SAMD4A: variants seen among roughly 807,000 people sequenced by gnomAD.
SAMD4A encodes sterile alpha motif domain containing 4A, also known as protein Smaug homolog 1.
A neutral mutation model predicts 81.3 loss-of-function variants in SAMD4A; 33 were observed. The observed-to-expected ratio is 0.41, with a 90% CI of 0.31 to 0.54. The LOEUF (loss-of-function observed/expected upper bound fraction) is 0.54. Among genes scored for constraint, SAMD4A ranks in the 20% least tolerant of loss-of-function variants. SAMD4A has a pLI of 0.37. For synonymous variants in SAMD4A, 389 were observed against 382.1 expected, an observed-to-expected ratio of 1.02 and a Z score of -0.21; for missense variants, 854 against 951.1, an observed-to-expected ratio of 0.90 and a Z score of 1.34.
At position 54,789,329 on chromosome 14, in the gene SAMD4A, G is replaced by T. The variant is rs996798780; in HGVS notation, c.*385G>T. The T allele has an allele frequency of 1.3e-5, 3 of 231,716 alleles. No individual in the cohort carries two copies. Among genetic ancestry groups the T allele is most frequent in the Non-Finnish European group, 2.5e-5 (3 of 117,664 alleles). The allele number at this position is 231,716 out of a possible 1,614,324, so 14.4% of individuals were successfully genotyped here. ...GGACAGCAGAAGCCCTGGCCCTGGG[G>T]AGGCTTCTCGGAAGGCCTGGCTTCA... is the stretch of plus-strand genomic sequence containing the variant. On this transcript the variant is annotated 3_prime_UTR_variant, in exon 13 of 13. Transcript: ENST00000554335.
chr14:54,780,470 G>A (rs752918829), intron 11 of SAMD4A, among the ~76,000 whole-genome samples: 1 of 152,222 alleles, frequency 6.6e-6, no homozygotes, highest in Non-Finnish European at 1.5e-5. Flanking sequence ...ACTGGGTCCA[G>A]TGGGGTGTGG....
intron 2 of SAMD4A, among the ~76,000 whole-genome samples, chr14:54,644,547 G>C (rs999671997): frequency 6.6e-6 from 1 of 152,192 alleles, no homozygotes; most frequent in African/African-American, 2.4e-5. Flanking sequence ...CATGCAATTA[G>C]TCACACAGTA....
chr14:54,745,894 A>G (rs1424932464), intron 4 of SAMD4A, among the ~76,000 whole-genome samples: 1 of 152,196 alleles, frequency 6.6e-6, no homozygotes, highest in African/African-American at 2.4e-5. Context: ...TTTTCCAACC[A>G]TAGCCACAGC....
At chr14:54,584,673 C>T (rs767356127) in intron 2 of SAMD4A, among the ~76,000 whole-genome samples, 7 of 151,968 alleles carry the variant, frequency 4.6e-5, no homozygotes, top group Admixed American at 1.3e-4. Flanking sequence ...TGCCCTTTAC[C>T]GCATTGCTTG....
intron 7 of SAMD4A, among the ~76,000 whole-genome samples, chr14:54,762,968 C>T (rs183089406): frequency 1.3e-4 from 19 of 151,850 alleles, no homozygotes; most frequent in African/African-American, 4.6e-4. Context: ...CATTCTCCTG[C>T]CTCAGCCTCC....
At chr14:54,620,353 G>T (rs551244962) in intron 2 of SAMD4A, among the ~76,000 whole-genome samples, 33 of 120,910 alleles carry the variant, frequency 2.7e-4, no homozygotes, top group African/African-American at 8.1e-4. Context: ...CACCATGTTG[G>T]AGCATCATCA....
At chr14:54,683,593 T>G (rs1401138956) in intron 2 of SAMD4A, among the ~76,000 whole-genome samples, 1 of 152,162 alleles carries the variant, frequency 6.6e-6, no homozygotes, top group Non-Finnish European at 1.5e-5. Context: ...CTCCATAGTT[T>G]GGATCAGAAA....
At chr14:54,742,467 C>T (rs1477810734) in intron 4 of SAMD4A, among the ~76,000 whole-genome samples, 1 of 152,190 alleles carries the variant, frequency 6.6e-6, no homozygotes, top group Non-Finnish European at 1.5e-5. Context: ...CTAACAGCCC[C>T]GACTTCCTCT....
intron 2 of SAMD4A, among the ~76,000 whole-genome samples, chr14:54,624,645 G>A (rs1291236582): frequency 6.6e-6 from 1 of 152,200 alleles, no homozygotes; most frequent in East Asian, 1.9e-4. Flanking sequence ...TTAATAGACT[G>A]AAAACTGACC....
chr14:54,594,224 C>G (rs1351277977), intron 2 of SAMD4A, among the ~76,000 whole-genome samples: 3 of 152,072 alleles, frequency 2.0e-5, no homozygotes, highest in Non-Finnish European at 2.9e-5. Context: ...TTCTTTCTGC[C>G]TATTAAGTGT....
intron 2 of SAMD4A, among the ~76,000 whole-genome samples, chr14:54,572,775 G>C (rs2033167688): frequency 6.6e-6 from 1 of 152,204 alleles, no homozygotes; most frequent in African/African-American, 2.4e-5. Context: ...ACTTGTTAAT[G>C]ATCCAGCAAG....
intron 9 of SAMD4A, among the ~76,000 whole-genome samples, chr14:54,774,529 C>CCTGT (rs2038786094): frequency 6.6e-6 from 1 of 151,886 alleles, no homozygotes; most frequent in Non-Finnish European, 1.5e-5. Flanking sequence ...CATGGTAGAC[C>CCTGT]CTGTCTCCAC....
intron 2 of SAMD4A, among the ~76,000 whole-genome samples, chr14:54,590,072 G>C (rs892889752): frequency 8.5e-5 from 13 of 152,228 alleles, no homozygotes; most frequent in Non-Finnish European, 1.3e-4. Context: ...TAAAAAAATA[G>C]TTTGTGGGAT....
chr14:54,752,675 A>G (rs1277522454), intron 6 of SAMD4A, among the ~76,000 whole-genome samples: 1 of 152,240 alleles, frequency 6.6e-6, no homozygotes, highest in Non-Finnish European at 1.5e-5. Flanking sequence ...TGAGAAAAGA[A>G]ATAAGACACA....
chr14:54,774,162 ACCTGCTGAG>A (rs2038776180), intron 9 of SAMD4A, among the ~76,000 whole-genome samples: 1 of 152,228 alleles, frequency 6.6e-6, no homozygotes, highest in Non-Finnish European at 1.5e-5. Context: ...GTGCTGGTGA[ACCTGCTGAG>A]CCTGCGTGCC....
At chr14:54,590,250 A>T (rs2033738624) in intron 2 of SAMD4A, among the ~76,000 whole-genome samples, 1 of 152,184 alleles carries the variant, frequency 6.6e-6, no homozygotes, top group African/African-American at 2.4e-5. Flanking sequence ...GCATTTTGGG[A>T]GGCCAACATA....
intron 11 of SAMD4A, among the ~76,000 whole-genome samples, chr14:54,782,686 TCCTTTTTGCCAGGCTTC>T (rs1314100459): frequency 1.3e-5 from 2 of 152,238 alleles, no homozygotes; most frequent in African/African-American, 4.8e-5. Flanking sequence ...TCCATAGCGT[TCCTTTTTGCCAGGCTTC>T]TGAGATTTTT....
intron 11 of SAMD4A, among the ~76,000 whole-genome samples, chr14:54,781,391 C>T (rs905887205): frequency 1.6e-4 from 24 of 152,212 alleles, no homozygotes; most frequent in African/African-American, 4.8e-4. Flanking sequence ...CATTCTCTTC[C>T]GGAATCTTCT....
chr14:54,749,106 G>A (rs775697047), intron 5 of SAMD4A, among the ~76,000 whole-genome samples, 182 bp downstream of exon 5: 1 of 152,202 alleles, frequency 6.6e-6, no homozygotes, highest in Admixed American at 6.5e-5. Context: ...CTTGCCTTCA[G>A]GGTCCAATAG....
Sources: allele counts gnomAD v4.1 joint callset (sites outside exome capture counted in the v4.1 genomes callset), GRCh38; gene constraint gnomAD v4.1.1; transcripts MANE v1.5; gene names NCBI Gene and HGNC (gene_info 2026-07-23, HGNC 2026-07-21).